The following C12orf42 variants were observed in gnomAD, a reference collection of about 807,000 sequenced individuals.
The protein encoded by C12orf42 is uncharacterized protein C12orf42.
A neutral mutation model predicts 21.6 loss-of-function variants in C12orf42; 25 were observed. That is an observed-to-expected ratio of 1.16 (90% CI 0.84 to 1.62). The LOEUF (loss-of-function observed/expected upper bound fraction) is 1.62, where lower values mean the gene tolerates loss of function less well. C12orf42 is among the 40% of genes most tolerant of loss of function. C12orf42 has a pLI of 0.00. For missense variants in C12orf42, 483 were observed against 459.3 expected, an observed-to-expected ratio of 1.05 and a Z score of -0.47; for synonymous variants, 174 against 175.0, an observed-to-expected ratio of 0.99 and a Z score of 0.05.
the C12orf42 span, among the ~76,000 whole-genome samples, chr12:103,105,368 G>A: frequency 2.0e-5 from 3 of 152,066 alleles, no homozygotes; most frequent in African/African-American, 2.4e-5. Flanking sequence ...GCTGGAGGTC[G>A]TAATCCTAAA....
chr12:103,130,149 A>C, the C12orf42 span, among the ~76,000 whole-genome samples: 1 of 152,016 alleles, frequency 6.6e-6, no homozygotes, highest in Non-Finnish European at 1.5e-5. Context: ...CAACCTCTGT[A>C]CCAAGCCCTT....
intron 4 of C12orf42, among the ~76,000 whole-genome samples, chr12:103,282,720 A>G (rs2036213247): frequency 6.6e-6 from 1 of 152,250 alleles, no homozygotes; most frequent in East Asian, 1.9e-4. Context: ...CTCTAATTAA[A>G]GTACGTAAAG....
At chr12:103,102,673 A>G in the C12orf42 span, among the ~76,000 whole-genome samples, 1 of 152,222 alleles carries the variant, frequency 6.6e-6, no homozygotes, top group Non-Finnish European at 1.5e-5. Context: ...AGGCTTGTCT[A>G]TTGCAATGTA....
the C12orf42 span, among the ~76,000 whole-genome samples, chr12:103,222,409 C>T: frequency 1.6e-4 from 24 of 152,198 alleles, no homozygotes; most frequent in Admixed American, 2.6e-4. Context: ...AGGCAAGGAC[C>T]GGCCATTTAC....
At chr12:103,233,701 T>A (rs1266772497), downstream of C12orf42, among the ~76,000 whole-genome samples, 1 of 152,040 alleles carries the variant, frequency 6.6e-6, no homozygotes, top group Non-Finnish European at 1.5e-5. Context: ...GTTCCGGGAG[T>A]TTTTTGCCAG....
intron 2 of C12orf42, among the ~76,000 whole-genome samples, chr12:103,460,586 T>C (rs1952632331): frequency 6.6e-6 from 1 of 152,144 alleles, no homozygotes; most frequent in Admixed American, 6.6e-5. Flanking sequence ...GTTTTGCCCT[T>C]AAAGGTTTCT....
chr12:103,356,622 C>G (rs2043588382), intron 4 of C12orf42, among the ~76,000 whole-genome samples: 1 of 151,630 alleles, frequency 6.6e-6, no homozygotes, highest in Non-Finnish European at 1.5e-5. Flanking sequence ...AATGGTTGAA[C>G]TAGTTTACAG....
intron 4 of C12orf42, chr12:103,367,981 T>C (rs1051194145): frequency 2.0e-6 from 2 of 985,760 alleles, no homozygotes; most frequent in Non-Finnish European, 2.8e-6. Flanking sequence ...TTCAAAATAA[T>C]GCGTTGTTCA....
At chr12:103,299,931 C>T (rs915236338), downstream of C12orf42, among the ~76,000 whole-genome samples, 1 of 152,182 alleles carries the variant, frequency 6.6e-6, no homozygotes. Context: ...TTCTCCCAAA[C>T]ATGTGCATCC....
At chr12:103,355,881 A>G (rs1464742600) in intron 4 of C12orf42, among the ~76,000 whole-genome samples, 1 of 152,112 alleles carries the variant, frequency 6.6e-6, no homozygotes, top group African/African-American at 2.4e-5. Context: ...TGAATGCAGT[A>G]AAAATAATGC....
the C12orf42 span, among the ~76,000 whole-genome samples, chr12:103,560,253 T>A: frequency 1.5e-5 from 1 of 67,168 alleles, no homozygotes; most frequent in Non-Finnish European, 3.5e-5. Flanking sequence ...TCTGGATTTC[T>A]AAATGCTTGT....
At chr12:103,524,785 G>C in the C12orf42 span, among the ~76,000 whole-genome samples, 1 of 152,156 alleles carries the variant, frequency 6.6e-6, no homozygotes, top group South Asian at 2.1e-4. Flanking sequence ...GACAGTTACA[G>C]GACACCTCCA....
At chr12:103,489,629 T>C (rs759568418) in intron 1 of C12orf42, among the ~76,000 whole-genome samples, 5 of 152,116 alleles carry the variant, frequency 3.3e-5, no homozygotes, top group Non-Finnish European at 7.4e-5. Flanking sequence ...CCCGGCTGCT[T>C]TGTTTACCTA....
At chr12:103,511,015 A>T in the C12orf42 span, among the ~76,000 whole-genome samples, 2 of 152,244 alleles carry the variant, frequency 1.3e-5, no homozygotes. Context: ...GCCTCTTCTC[A>T]TGAAGCCAGT....
the C12orf42 span, chr12:103,505,039 G>A: frequency 3.6e-6 from 1 of 275,656 alleles, no homozygotes. Context: ...GAAGCTAGCG[G>A]ATGGAGTGGG....
the C12orf42 span, among the ~76,000 whole-genome samples, chr12:103,137,857 A>G: frequency 6.6e-6 from 1 of 152,068 alleles, no homozygotes; most frequent in African/African-American, 2.4e-5. Context: ...GATAGACATG[A>G]GAGGCCAGGC....
chr12:103,364,079 A>G (rs2044367026), intron 4 of C12orf42, among the ~76,000 whole-genome samples: 1 of 152,142 alleles, frequency 6.6e-6, no homozygotes, highest in South Asian at 2.1e-4. Flanking sequence ...TCTCCAAGAT[A>G]GACCATGTGA....
chr12:103,217,522 C>A, the C12orf42 span, among the ~76,000 whole-genome samples: 1 of 145,444 alleles, frequency 6.9e-6, no homozygotes, highest in East Asian at 2.0e-4. Context: ...CAGAGTGAGA[C>A]CCTGTCTCAA....
intron 4 of C12orf42, among the ~76,000 whole-genome samples, chr12:103,288,933 G>A (rs1017483298): frequency 3.3e-5 from 5 of 152,110 alleles, no homozygotes; most frequent in African/African-American, 1.2e-4. Context: ...AAGGAGCAGG[G>A]CTATTTTTAA....
Sources: gnomAD v4.1 joint callset for allele counts (sites outside exome capture counted in the v4.1 genomes callset) on GRCh38, gnomAD v4.1.1 for gene constraint, MANE v1.5 for transcripts, NCBI Gene and HGNC (gene_info 2026-07-23, HGNC 2026-07-21) for gene names.